Variants in ARPC1B observed in about 807,000 individuals in gnomAD.
ARPC1B encodes the protein actin related protein 2/3 complex subunit 1B.
ARPC1B carries 29 observed loss-of-function variants against 46.0 expected under a neutral mutation model. The ratio of observed to expected loss-of-function variants is 0.63; its 90% CI spans 0.47 to 0.86. The LOEUF (loss-of-function observed/expected upper bound fraction) is 0.86, where lower values mean the gene tolerates loss of function less well. ARPC1B is among the 40% of genes least tolerant of loss of function. The pLI is 0.00. For synonymous variants in ARPC1B, 201 were observed against 213.9 expected, an observed-to-expected ratio of 0.94 and a Z score of 0.53; for missense variants, 469 against 529.4, an observed-to-expected ratio of 0.89 and a Z score of 1.12.
At chr7:99,387,996 C>T (rs1414387617) in intron 3 of ARPC1B, 43 bp from the exon 4 acceptor site, 4 of 1,374,994 alleles carry the variant, frequency 2.9e-6, no homozygotes, top group Non-Finnish European at 4.1e-6. Flanking sequence ...CCACCTCTGC[C>T]TGAGTGTCAT....
intron 9 of ARPC1B, 132 bp downstream of exon 9, chr7:99,394,251 G>A: frequency 8.5e-7 from 1 of 1,173,102 alleles, no homozygotes; most frequent in Non-Finnish European, 1.2e-6. Context: ...AGGGGTGGGG[G>A]CGGCCCCTTG....
rs577099205 is a variant in ARPC1B, at chr7:99,375,198, C to T, written c.-14+417C>T. On this transcript the variant is annotated intron_variant, in intron 1 of 9. Coordinates refer to ENST00000646101, the MANE Select transcript of ARPC1B (RefSeq NM_005720.4). ...CCCGGCCCCCATCCCCAGCCTTGCC[C>T]CGCGGTCGGTCGGTGTAGCCCCGTT... 1.4e-3 allele frequency among the ~76,000 whole-genome samples: 213 copies of T among 152,324 alleles called. 1 individual carries two copies. Among genetic ancestry groups the T allele is most frequent in the Admixed American group, 3.8e-3 (58 of 15,308 alleles).
At chr7:99,375,740 T>G (rs1224920662) in intron 1 of ARPC1B, among the ~76,000 whole-genome samples, 1 of 152,086 alleles carries the variant, frequency 6.6e-6, no homozygotes, top group Non-Finnish European at 1.5e-5. Context: ...ATGGACAGCA[T>G]TGCGAGACCC....
In ARPC1B at chr7:99,386,792, A is replaced by G; in HGVS notation, c.169+3A>G. 1.9e-6 allele frequency: 3 copies of G among 1,611,112 alleles called. No individual in the cohort carries two copies. The highest frequency in any genetic ancestry group is 2.5e-6 in the Non-Finnish European group (3 of 1,177,766). On this transcript the variant is annotated splice_donor_region_variant and intron_variant, in intron 3 of 9. Coordinates refer to ENST00000646101, the MANE Select transcript of ARPC1B (RefSeq NM_005720.4). ...GGAGCACAACGGGCAGGTGACAGGT[A>G]TGTCAGGGTGGCTGGGACCACCGTC...
intron 1 of ARPC1B, among the ~76,000 whole-genome samples, chr7:99,376,996 A>G (rs757555582): frequency 3.3e-5 from 5 of 152,208 alleles, no homozygotes; most frequent in Middle Eastern, 3.4e-3. Context: ...ATGTCTGTAC[A>G]TAATCCATTG....
intron 1 of ARPC1B, among the ~76,000 whole-genome samples, chr7:99,382,731 C>T (rs1794265022): frequency 6.6e-6 from 1 of 152,092 alleles, no homozygotes; most frequent in South Asian, 2.1e-4. Context: ...GCCTAGGCCT[C>T]CCAAAGTACT....
At chr7:99,377,164 A>G (rs1380667793) in intron 1 of ARPC1B, among the ~76,000 whole-genome samples, 2 of 151,942 alleles carry the variant, frequency 1.3e-5, no homozygotes, top group South Asian at 4.2e-4. Context: ...ATGCCCAGCT[A>G]ATTTTTAAAT....
Position 99,391,042 on chromosome 7 carries a change from T to C in ARPC1B, c.650T>C (p.Val217Ala). ...TGTTTCTCAGCCAGCGGGAGCCGCG[T>C]GGCCTGGGTAAGCCACGACAGCACC... The part of the protein sequence containing the change: ...GVCFSASGSR[V>A]AWVSHDSTVC... The change falls in exon 6 of 10, where the codon GTG (valine) becomes GCG (alanine). Residue 217 changes from valine (V) to alanine (A), a missense_variant. Val to Ala is a moderately conservative substitution (Grantham distance 64). Transcript: ENST00000646101. 6.2e-7 allele frequency: 1 copy of C among 1,613,950 alleles called. No homozygotes were observed. The highest frequency in any genetic ancestry group is 8.5e-7 in the Non-Finnish European group (1 of 1,180,000).
At chr7:99,381,507 G>T (rs779145193) in intron 1 of ARPC1B, among the ~76,000 whole-genome samples, 1 of 152,200 alleles carries the variant, frequency 6.6e-6, no homozygotes. Flanking sequence ...CCTGCGCTGC[G>T]TGTGTCTACT....
At chr7:99,391,615 G>A (rs773042157) in intron 7 of ARPC1B, among the ~76,000 whole-genome samples, 13 of 152,058 alleles carry the variant, frequency 8.5e-5, no homozygotes, top group Admixed American at 1.3e-4. Flanking sequence ...GGGTGTGGTG[G>A]TGCACCTGTA....
chr7:99,385,910 C>T, intron 2 of ARPC1B, 132 bp downstream of exon 2: 3 of 923,242 alleles, frequency 3.2e-6, no homozygotes, highest in Non-Finnish European at 4.9e-6. Context: ...CCCCTGGCCT[C>T]ACCCCTGGGT....
At chr7:99,385,282 T>C (rs928063192) in intron 1 of ARPC1B, among the ~76,000 whole-genome samples, 10 of 133,820 alleles carry the variant, frequency 7.5e-5, no homozygotes, top group Non-Finnish European at 1.6e-4. Flanking sequence ...CATCCCATCC[T>C]TAATGGGGCA....
chr7:99,380,048 C>A (rs1229037627), intron 1 of ARPC1B, among the ~76,000 whole-genome samples: 5 of 152,186 alleles, frequency 3.3e-5, no homozygotes, highest in Non-Finnish European at 2.9e-5. Context: ...CCCCCAGGAG[C>A]CATCACTGAG....
intron 1 of ARPC1B, among the ~76,000 whole-genome samples, chr7:99,378,560 G>A (rs1421717995): frequency 6.6e-6 from 1 of 151,174 alleles, no homozygotes; most frequent in East Asian, 2.1e-4. Context: ...GTGGGCACCT[G>A]TAGTTCCACC....
At chr7:99,391,126 G>A (rs1562817556) in intron 6 of ARPC1B, 27 bp downstream of exon 6, 1 of 1,612,778 alleles carries the variant, frequency 6.2e-7, no homozygotes, top group East Asian at 2.2e-5. Context: ...CCCAGGGGAG[G>A]AGGTGAGTGC....
chr7:99,376,902 T>C (rs1321742019), intron 1 of ARPC1B, among the ~76,000 whole-genome samples: 1 of 151,252 alleles, frequency 6.6e-6, no homozygotes. Flanking sequence ...ACAAAAAATG[T>C]CTCAGGCTTG....
intron 7 of ARPC1B, 67 bp from the exon 8 acceptor site, chr7:99,392,604 G>A: frequency 2.2e-6 from 3 of 1,389,296 alleles, no homozygotes; most frequent in South Asian, 1.5e-5. Flanking sequence ...CCAGACGCCC[G>A]CCTGGCCTTC....
intron 2 of ARPC1B, 108 bp downstream of exon 2, chr7:99,385,886 C>T: frequency 2.6e-6 from 3 of 1,146,992 alleles, no homozygotes; most frequent in Non-Finnish European, 3.7e-6. Flanking sequence ...GGACCATGGG[C>T]TCCATGTGGC....
intron 7 of ARPC1B, chr7:99,391,904 T>G (rs1335336231): frequency 2.0e-5 from 3 of 150,072 alleles, no homozygotes. Context: ...ATACAAAAAT[T>G]AGCCGGGTGT....
Sources: gnomAD v4.1 joint callset for allele counts (sites outside exome capture counted in the v4.1 genomes callset) on GRCh38, gnomAD v4.1.1 for gene constraint, MANE v1.5 for transcripts, NCBI Gene and HGNC (gene_info 2026-07-23, HGNC 2026-07-21) for gene names.